Variants in SORCS3 observed in about 807,000 individuals in gnomAD.
SORCS3 encodes the protein VPS10 domain-containing receptor SorCS3.
SORCS3 carries 57 observed loss-of-function variants against 146.3 expected under a neutral mutation model. The ratio of observed to expected loss-of-function variants is 0.39; its 90% CI spans 0.31 to 0.49. The LOEUF (loss-of-function observed/expected upper bound fraction) is 0.49, where lower values mean the gene tolerates loss of function less well. Among genes scored for constraint, SORCS3 ranks in the 20% least tolerant of loss-of-function variants. The pLI, the probability that SORCS3 is intolerant of heterozygous loss-of-function variation, is 0.92. For missense variants in SORCS3, 1,341 were observed against 1,575.5 expected, an observed-to-expected ratio of 0.85 and a Z score of 2.52; for synonymous variants, 653 against 618.5, an observed-to-expected ratio of 1.06 and a Z score of -0.83.
At chr10:104,721,255 T>A (rs2016543974) in intron 1 of SORCS3, among the ~76,000 whole-genome samples, 2 of 152,224 alleles carry the variant, frequency 1.3e-5, no homozygotes, top group African/African-American at 4.8e-5. Context: ...ATTGCTTGTT[T>A]TTGTCAGGTT....
At chr10:104,931,613 G>C (rs1305878627) in intron 3 of SORCS3, among the ~76,000 whole-genome samples, 1 of 152,198 alleles carries the variant, frequency 6.6e-6, no homozygotes, top group Non-Finnish European at 1.5e-5. Flanking sequence ...CAAAGGCTGA[G>C]AAAAGACTCC....
At chr10:104,971,495 T>C (rs889870018) in intron 3 of SORCS3, among the ~76,000 whole-genome samples, 1 of 152,204 alleles carries the variant, frequency 6.6e-6, no homozygotes, top group Non-Finnish European at 1.5e-5. Context: ...GAAACGCTCA[T>C]GGAGCTAGGG....
intron 1 of SORCS3, among the ~76,000 whole-genome samples, chr10:104,737,365 C>T (rs2016786625): frequency 1.3e-5 from 2 of 152,080 alleles, no homozygotes; most frequent in African/African-American, 2.4e-5. Context: ...CTGACTTCCA[C>T]AATGGTTGAA....
intron 20 of SORCS3, among the ~76,000 whole-genome samples, chr10:105,231,187 A>G (rs1402463975): frequency 6.6e-6 from 1 of 152,092 alleles, no homozygotes; most frequent in East Asian, 1.9e-4. Flanking sequence ...TTCTTAGATG[A>G]CCTATTCAAA....
intron 1 of SORCS3, among the ~76,000 whole-genome samples, chr10:104,649,419 A>T (rs2133237592): frequency 6.6e-6 from 1 of 152,344 alleles, no homozygotes; most frequent in South Asian, 2.1e-4. Flanking sequence ...TGCCTGACCC[A>T]TTTGTAGCAA....
chr10:104,715,274 C>G (rs1376367560), intron 1 of SORCS3, among the ~76,000 whole-genome samples: 1 of 152,054 alleles, frequency 6.6e-6, no homozygotes, highest in Non-Finnish European at 1.5e-5. Flanking sequence ...GTTGCAGGCC[C>G]AAATAGAACA....
chr10:104,903,248 T>A (rs1322520381), intron 2 of SORCS3, among the ~76,000 whole-genome samples: 2 of 152,198 alleles, frequency 1.3e-5, no homozygotes, highest in African/African-American at 4.8e-5. Context: ...TAAAGCACTA[T>A]GCAAATGTTA....
chr10:104,787,560 C>G (rs2017452763), intron 1 of SORCS3, among the ~76,000 whole-genome samples: 1 of 151,968 alleles, frequency 6.6e-6, no homozygotes, highest in Non-Finnish European at 1.5e-5. Flanking sequence ...TTGAACTTAG[C>G]TGCAAGTCCA....
intron 3 of SORCS3, among the ~76,000 whole-genome samples, chr10:104,951,637 G>A (rs2019430575): frequency 6.6e-6 from 1 of 152,102 alleles, no homozygotes; most frequent in East Asian, 1.9e-4. Context: ...GAGCCACCAT[G>A]GTTAAATACA....
At chr10:105,105,560 A>T (rs748010193) in intron 7 of SORCS3, 45 bp downstream of exon 7, 1 of 1,362,766 alleles carries the variant, frequency 7.3e-7, no homozygotes, top group Non-Finnish European at 1.0e-6. Context: ...TGCATCGTTG[A>T]AGTTGGCTGC....
chr10:105,185,540 A>C (rs546508060), intron 14 of SORCS3, among the ~76,000 whole-genome samples: 1 of 152,182 alleles, frequency 6.6e-6, no homozygotes, highest in South Asian at 2.1e-4. Flanking sequence ...TAAATTTGTG[A>C]TTCACAATTT....
intron 3 of SORCS3, among the ~76,000 whole-genome samples, chr10:104,937,220 C>T (rs1353635471): frequency 1.3e-5 from 2 of 152,188 alleles, no homozygotes; most frequent in African/African-American, 2.4e-5. Context: ...GTTGGCCTGC[C>T]GTCCACTCAC....
chr10:104,996,449 G>A (rs530981081), intron 4 of SORCS3, among the ~76,000 whole-genome samples: 14 of 152,156 alleles, frequency 9.2e-5, no homozygotes, highest in African/African-American at 1.2e-4. Flanking sequence ...TAAACATTGC[G>A]TAAACTTGAC....
At position 105,058,987 on chromosome 10, in the gene SORCS3, G is replaced by A. The variant is rs138274384; in HGVS notation, c.1028+15859G>A. ...AATAAAAAGAAATTTTAAAAATGCCGATAGTTTCTTCGGCCCCACCTGGAA... is the reference window on the plus strand; with the variant it reads ...AATAAAAAGAAATTTTAAAAATGCCAATAGTTTCTTCGGCCCCACCTGGAA... On this transcript the variant is annotated intron_variant, in intron 5 of 26. Transcript: ENST00000369701. Among the ~76,000 whole-genome samples, 400 of 152,212 alleles carry A rather than the reference G, an allele frequency of 2.6e-3. 3 individuals are homozygous for A. Among genetic ancestry groups the A allele is most frequent in the African/African-American group, 9.0e-3 (374 of 41,526 alleles).
At chr10:105,156,970 A>G (rs1355901021) in intron 9 of SORCS3, among the ~76,000 whole-genome samples, 168 bp from the exon 10 acceptor site, 3 of 152,148 alleles carry the variant, frequency 2.0e-5, no homozygotes, top group African/African-American at 7.2e-5. Flanking sequence ...AACTTTTTAA[A>G]CATTTTTCAG....
intron 5 of SORCS3, among the ~76,000 whole-genome samples, chr10:105,074,406 G>A (rs790741): frequency 0.69 from 104,888 of 152,128 alleles, 36,372 homozygotes; most frequent in East Asian, 0.84. Context: ...TGCCAGTTTC[G>A]TGCTAGGAGG....
intron 5 of SORCS3, among the ~76,000 whole-genome samples, chr10:105,054,092 C>T (rs1193919492): frequency 6.6e-6 from 1 of 151,982 alleles, no homozygotes; most frequent in Non-Finnish European, 1.5e-5. Flanking sequence ...TTTAGACATG[C>T]TTTCGTGTAT....
rs975394100 is a variant in SORCS3 at position 105,264,979 on chromosome 10, G to A, written c.*1605G>A. The stretch of plus-strand genomic sequence containing the variant: ...TGAGACAGAGAGAATGTGATATAGA[G>A]AAATCTGGCTGGCTACAGTGTAGAT... On this transcript the variant is annotated 3_prime_UTR_variant, in exon 27 of 27. Coordinates refer to ENST00000369701, the MANE Select transcript of SORCS3 (RefSeq NM_014978.3). 1 of 152,578 alleles carries A rather than the reference G, an allele frequency of 6.6e-6. No homozygotes were observed. The highest frequency in any genetic ancestry group is 2.4e-5 in the African/African-American group (1 of 41,432). The allele number at this position is 152,578 out of a possible 1,614,324, so 9.5% of individuals were successfully genotyped here.
intron 13 of SORCS3, among the ~76,000 whole-genome samples, chr10:105,172,066 A>G (rs891605341): frequency 2.6e-5 from 4 of 152,302 alleles, no homozygotes; most frequent in Admixed American, 6.5e-5. Flanking sequence ...CATGCTGAGC[A>G]ATAGTAAATC....
Sources: allele counts gnomAD v4.1 joint callset (sites outside exome capture counted in the v4.1 genomes callset), GRCh38; gene constraint gnomAD v4.1.1; transcripts MANE v1.5; gene names NCBI Gene and HGNC (gene_info 2026-07-23, HGNC 2026-07-21).